Variants in SYNDIG1 observed in about 807,000 individuals in gnomAD.
SYNDIG1 encodes the protein synapse differentiation-inducing gene protein 1.
In SYNDIG1, 9 loss-of-function variants were observed where a neutral mutation model predicts 19.4. That is an observed-to-expected ratio of 0.46 (90% CI 0.28 to 0.81). SYNDIG1 has a LOEUF of 0.81. Among genes scored for constraint, SYNDIG1 ranks in the 30% least tolerant of loss-of-function variants. SYNDIG1 has a pLI of 0.12. For missense variants in SYNDIG1, 311 were observed against 343.3 expected (o/e 0.91, Z 0.74); for synonymous variants, 141 against 145.9 (o/e 0.97, Z 0.24).
chr20:24,640,739 AAC>A (rs1406509495), intron 3 of SYNDIG1, among the ~76,000 whole-genome samples: 1 of 152,182 alleles, frequency 6.6e-6, no homozygotes, highest in Non-Finnish European at 1.5e-5. Context: ...TGGACACAAA[AAC>A]ACAGGAGTCC....
intron 1 of SYNDIG1, among the ~76,000 whole-genome samples, chr20:24,506,156 G>A (rs2056586707): frequency 6.6e-6 from 1 of 152,198 alleles, no homozygotes; most frequent in South Asian, 2.1e-4. Flanking sequence ...ATCTCCGGGA[G>A]GAATTTCCAT....
intron 3 of SYNDIG1, among the ~76,000 whole-genome samples, chr20:24,585,764 C>T (rs2058406988): frequency 6.6e-6 from 1 of 152,228 alleles, no homozygotes; most frequent in Middle Eastern, 3.2e-3. Flanking sequence ...TACCATGGCC[C>T]ACTGCTATCT....
In SYNDIG1 at chr20:24,626,142, G is replaced by T. The variant is rs553516655; in HGVS notation, c.619-39204G>T. Among the ~76,000 whole-genome samples the T allele has an allele frequency of 3.2e-4, 47 of 147,470 alleles. 2 individuals are homozygous for T. In the South Asian group the frequency reaches 9.2e-3, roughly 29 times the overall value. On this transcript the variant is annotated intron_variant, in intron 3 of 3. Transcript: ENST00000376862. ...CGGGCAGAGGTGCCCCTCACCTCCC[G>T]GACGGGGCGGCTGGCCGGGCAGGGG...
At chr20:24,639,769 A>G (rs2059352500) in intron 3 of SYNDIG1, among the ~76,000 whole-genome samples, 1 of 152,196 alleles carries the variant, frequency 6.6e-6, no homozygotes, top group South Asian at 2.1e-4. Context: ...CTGTTTTCTA[A>G]ACATTATTCT....
chr20:24,499,060 G>A (rs901713726), intron 1 of SYNDIG1, among the ~76,000 whole-genome samples: 1 of 152,180 alleles, frequency 6.6e-6, no homozygotes, highest in Non-Finnish European at 1.5e-5. Flanking sequence ...TCTAGCTGTC[G>A]CAAGTGCAGG....
At chr20:24,616,659 AGGTGCAGGGGGTGAGGCAGCT>A (rs1411783193) in intron 3 of SYNDIG1, among the ~76,000 whole-genome samples, 1 of 152,246 alleles carries the variant, frequency 6.6e-6, no homozygotes, top group Non-Finnish European at 1.5e-5. Context: ...AGAAAGGAGC[AGGTGCAGGGGGTGAGGCAGCT>A]GGACAGGGCT....
intron 1 of SYNDIG1, among the ~76,000 whole-genome samples, chr20:24,507,037 T>A (rs1402962790): frequency 6.6e-6 from 1 of 152,220 alleles, no homozygotes; most frequent in Non-Finnish European, 1.5e-5. Context: ...GTAGCTTGCA[T>A]GGGAAGTGAT....
chr20:24,492,074 G>A (rs540267019), intron 1 of SYNDIG1, among the ~76,000 whole-genome samples: 1 of 152,348 alleles, frequency 6.6e-6, no homozygotes, highest in African/African-American at 2.4e-5. Context: ...ACCCAGGCAA[G>A]AGGCCCCCGG....
intron 1 of SYNDIG1, among the ~76,000 whole-genome samples, chr20:24,480,104 T>A (rs1344715894): frequency 6.6e-6 from 1 of 152,234 alleles, no homozygotes. Context: ...TTCAGAGGCT[T>A]AGCTTGATCA....
At chr20:24,488,161 A>T (rs1168474489) in intron 1 of SYNDIG1, among the ~76,000 whole-genome samples, 1 of 124,448 alleles carries the variant, frequency 8.0e-6, no homozygotes, top group Non-Finnish European at 1.5e-5. Context: ...CTATATTTAC[A>T]CTCAACAATA....
chr20:24,512,110 TA>T (rs1406200430), intron 1 of SYNDIG1, among the ~76,000 whole-genome samples: 1 of 7,226 alleles, frequency 1.4e-4, no homozygotes, highest in Non-Finnish European at 3.8e-4. Context: ...GTCTTTAAAA[TA>T]TATATATATA....
chr20:24,544,022 A>C (rs2057524707), intron 2 of SYNDIG1, among the ~76,000 whole-genome samples: 1 of 152,216 alleles, frequency 6.6e-6, no homozygotes, highest in African/African-American at 2.4e-5. Context: ...TGCATTCCAC[A>C]GTTACTACTG....
In SYNDIG1 at chr20:24,573,278, A is replaced by G. The variant is rs113763386; in HGVS notation, c.481-11578A>G. 2.7e-3 allele frequency among the ~76,000 whole-genome samples: 408 copies of G among 152,268 alleles called. 2 individuals carry two copies. Among genetic ancestry groups the G allele is most frequent in the African/African-American group, 7.7e-3 (318 of 41,544 alleles). ...ATGGGTCATAGAAGGCTGCATCCCT[A>G]TTTATGTCCCAGTCACGTAGATTGA... On this transcript the variant is annotated intron_variant, in intron 2 of 3. Transcript: ENST00000376862.
At chr20:24,483,326 G>A (rs1383971816) in intron 1 of SYNDIG1, among the ~76,000 whole-genome samples, 1 of 152,130 alleles carries the variant, frequency 6.6e-6, no homozygotes, top group Non-Finnish European at 1.5e-5. Flanking sequence ...GTTACATGTG[G>A]ATTTCATTTC....
At chr20:24,612,088 G>T (rs946388499) in intron 3 of SYNDIG1, among the ~76,000 whole-genome samples, 1 of 152,172 alleles carries the variant, frequency 6.6e-6, no homozygotes, top group African/African-American at 2.4e-5. Context: ...GTTCTCTAAG[G>T]TTCTGCGTGA....
intron 3 of SYNDIG1, among the ~76,000 whole-genome samples, chr20:24,590,808 A>C (rs1328725665): frequency 6.6e-6 from 1 of 152,094 alleles, no homozygotes; most frequent in East Asian, 1.9e-4. Flanking sequence ...TGAGCTGGGG[A>C]TCAAGCACCG....
chr20:24,483,463 C>T (rs1403397310), intron 1 of SYNDIG1, among the ~76,000 whole-genome samples: 1 of 152,218 alleles, frequency 6.6e-6, no homozygotes, highest in Non-Finnish European at 1.5e-5. Flanking sequence ...GTTTCTTAAT[C>T]ATATTTTATG....
intron 3 of SYNDIG1, among the ~76,000 whole-genome samples, chr20:24,602,492 G>C (rs2058694017): frequency 6.6e-6 from 1 of 152,130 alleles, no homozygotes. Context: ...CCTATGGCTG[G>C]TTTACAGGAT....
chr20:24,527,906 G>T (rs1012073837), intron 1 of SYNDIG1, among the ~76,000 whole-genome samples: 1 of 152,150 alleles, frequency 6.6e-6, no homozygotes, highest in African/African-American at 2.4e-5. Context: ...TTAAATCTGA[G>T]ACCACATCCG....
Sources: allele counts gnomAD v4.1 joint callset (sites outside exome capture counted in the v4.1 genomes callset), GRCh38; gene constraint gnomAD v4.1.1; transcripts MANE v1.5; gene names NCBI Gene and HGNC (gene_info 2026-07-23, HGNC 2026-07-21).